Variants in DOCK1 observed in about 807,000 individuals in gnomAD.
DOCK1 encodes dedicator of cytokinesis protein 1.
DOCK1 carries 138 observed loss-of-function variants against 262.7 expected under a neutral mutation model. The observed-to-expected ratio is 0.53, with a 90% CI of 0.46 to 0.61. The LOEUF (loss-of-function observed/expected upper bound fraction) is 0.61. Among genes scored for constraint, DOCK1 ranks in the 20% least tolerant of loss-of-function variants. The probability of loss-of-function intolerance (pLI) is 0.00; values close to 1 mark genes in which losing one functional copy is unlikely to be tolerated. For missense variants in DOCK1, 1,908 were observed against 2,370.7 expected (o/e 0.80, Z 4.05); for synonymous variants, 866 against 867.4 (o/e 1.00, Z 0.03).
intron 1 of DOCK1, among the ~76,000 whole-genome samples, chr10:126,941,613 A>C (rs958460833): frequency 2.0e-5 from 3 of 152,064 alleles, no homozygotes; most frequent in Non-Finnish European, 4.4e-5. Flanking sequence ...AAAATTAGCC[A>C]GGCGTGGTGG....
chr10:127,032,141 A>C lies in DOCK1; in HGVS notation c.1733A>C (p.Glu578Ala). 1 of 1,588,178 alleles carries C rather than the reference A, an allele frequency of 6.3e-7. No homozygotes were observed. Among genetic ancestry groups the C allele is most frequent in the Non-Finnish European group, 8.6e-7 (1 of 1,167,030 alleles). Residue 578 changes from glutamate to alanine, a missense_variant, in exon 18 of 52, where the codon GAA (glutamate) becomes GCA (alanine). Coordinates refer to ENST00000623213, the MANE Select transcript of DOCK1 (RefSeq NM_001290223.2). ...GEHDLIVYKA[E>A]AKKLEDAATY... Reference sequence around the variant, plus strand: ...ACGGCATGACTAAATCCACAGGCCGAAGCAAAGAAGCTGGAAGATGCTGCC... The same window carrying C: ...ACGGCATGACTAAATCCACAGGCCGCAGCAAAGAAGCTGGAAGATGCTGCC...
chr10:126,920,128 A>G (rs959850370), intron 1 of DOCK1, among the ~76,000 whole-genome samples: 1 of 151,862 alleles, frequency 6.6e-6, no homozygotes, highest in Non-Finnish European at 1.5e-5. Context: ...TGCTTTGTCC[A>G]TGCTGGATAA....
intron 27 of DOCK1, among the ~76,000 whole-genome samples, chr10:127,204,134 C>G (rs931630405): frequency 1.3e-5 from 2 of 152,136 alleles, no homozygotes; most frequent in African/African-American, 4.8e-5. Flanking sequence ...CTAGGCCTTC[C>G]TAGATTGAGA....
chr10:126,935,225 C>T (rs1330746155), intron 1 of DOCK1, among the ~76,000 whole-genome samples: 1 of 152,182 alleles, frequency 6.6e-6, no homozygotes, highest in Non-Finnish European at 1.5e-5. Context: ...ATGAAGAACT[C>T]CGTGAAGTTG....
At chr10:127,024,554 C>T (rs765771373) in intron 14 of DOCK1, 131 bp from the exon 15 acceptor site, 16 of 702,420 alleles carry the variant, frequency 2.3e-5, no homozygotes, top group Admixed American at 2.9e-5. Flanking sequence ...TTGCTGGGAA[C>T]GTGTTCATTT....
intron 23 of DOCK1, among the ~76,000 whole-genome samples, chr10:127,063,364 A>G (rs1336005223): frequency 6.6e-6 from 1 of 152,182 alleles, no homozygotes; most frequent in Non-Finnish European, 1.5e-5. Context: ...TGCTGTGACC[A>G]AGGAAACCAG....
intron 23 of DOCK1, among the ~76,000 whole-genome samples, chr10:127,063,999 G>A (rs560879262): frequency 2.4e-4 from 36 of 152,342 alleles, no homozygotes; most frequent in African/African-American, 8.4e-4. Flanking sequence ...TCTCGATGAC[G>A]TTGGAAATTT....
intron 29 of DOCK1, among the ~76,000 whole-genome samples, chr10:127,325,802 C>T (rs1318037034): frequency 2.0e-5 from 3 of 152,128 alleles, no homozygotes; most frequent in Non-Finnish European, 2.9e-5. Flanking sequence ...GAAAACTGTT[C>T]TTAGGCTTAG....
chr10:127,333,893 C>T (rs1011004908), intron 29 of DOCK1, among the ~76,000 whole-genome samples: 4 of 152,238 alleles, frequency 2.6e-5, no homozygotes, highest in Non-Finnish European at 4.4e-5. Flanking sequence ...CTCTTCCTTA[C>T]CTTTAATCTC....
Position 127,296,552 on chromosome 10 carries a change from C to T in DOCK1, c.3044+39123C>T, listed in dbSNP as rs529945433. ...GGTCAGGAACCTTGCAAGATGCCGT[C>T]GAGGCTCTGTCTACACCAGGCAAAG... On this transcript the variant is annotated intron_variant, in intron 29 of 51. Coordinates refer to ENST00000623213, the MANE Select transcript of DOCK1 (RefSeq NM_001290223.2). Among the ~76,000 whole-genome samples, 10 of 152,294 alleles carry T rather than the reference C, an allele frequency of 6.6e-5. 1 individual carries two copies. In the South Asian group the frequency reaches 2.1e-3, roughly 32 times the overall value.
At chr10:127,186,414 C>T (rs2056233663) in intron 27 of DOCK1, among the ~76,000 whole-genome samples, 1 of 150,786 alleles carries the variant, frequency 6.6e-6, no homozygotes, top group South Asian at 2.1e-4. Flanking sequence ...GTAATCCCAG[C>T]TACTTGGGAG....
intron 27 of DOCK1, chr10:127,196,051 C>T (rs2057113782): frequency 6.6e-6 from 1 of 152,158 alleles, no homozygotes; most frequent in Non-Finnish European, 1.5e-5. Context: ...TCGGGCATGT[C>T]TCGCTGCGGA....
chr10:127,408,751 A>C lies in DOCK1; in HGVS notation c.4123-286A>C, dbSNP rs758886001. 9.1e-4 allele frequency among the ~76,000 whole-genome samples: 138 copies of C among 152,168 alleles called. 2 individuals are homozygous for C. Among genetic ancestry groups the C allele is most frequent in the Non-Finnish European group, 1.3e-3 (87 of 68,042 alleles). On this transcript the variant is annotated intron_variant, in intron 40 of 51. Transcript: ENST00000623213. Reference sequence around the variant, plus strand: ...TGAGTGCTCATTTGGTTTTTCATATAGTTTTTAAATCAGTTGTTACTGTCA... The same window carrying C: ...TGAGTGCTCATTTGGTTTTTCATATCGTTTTTAAATCAGTTGTTACTGTCA...
At chr10:127,067,554 A>G (rs1336842955) in intron 23 of DOCK1, among the ~76,000 whole-genome samples, 2 of 152,002 alleles carry the variant, frequency 1.3e-5, no homozygotes, top group East Asian at 1.9e-4. Flanking sequence ...TGTGTTGTGC[A>G]TATGAAGCTG....
intron 27 of DOCK1, among the ~76,000 whole-genome samples, chr10:127,171,176 T>C (rs925461370): frequency 6.6e-6 from 1 of 152,152 alleles, no homozygotes; most frequent in African/African-American, 2.4e-5. Context: ...CCGAAGCCAT[T>C]TGGAAATCTA....
At chr10:127,075,595 G>A (rs987099419) in intron 23 of DOCK1, among the ~76,000 whole-genome samples, 3 of 152,194 alleles carry the variant, frequency 2.0e-5, no homozygotes, top group African/African-American at 7.2e-5. Context: ...GGAGACCTCA[G>A]GAAACTTACA....
At chr10:127,373,904 A>G (rs919516801) in intron 34 of DOCK1, 38 bp downstream of exon 34, 2 of 1,576,934 alleles carry the variant, frequency 1.3e-6, no homozygotes, top group African/African-American at 1.3e-5. Context: ...TGTCTGAGAG[A>G]TACAGAGACA....
chr10:126,964,093 A>T (rs2037482198), intron 1 of DOCK1, among the ~76,000 whole-genome samples: 1 of 152,170 alleles, frequency 6.6e-6, no homozygotes, highest in Non-Finnish European at 1.5e-5. Flanking sequence ...AATGTTGGGT[A>T]CTGAGCCGTT....
intron 21 of DOCK1, 135 bp from the exon 22 acceptor site, chr10:127,052,546 A>G: frequency 7.7e-7 from 1 of 1,302,000 alleles, no homozygotes; most frequent in Non-Finnish European, 1.0e-6. Flanking sequence ...AAAAAGAGAA[A>G]ACGTTTTACA....
Sources: gnomAD v4.1 joint callset for allele counts (sites outside exome capture counted in the v4.1 genomes callset) on GRCh38, gnomAD v4.1.1 for gene constraint, MANE v1.5 for transcripts, NCBI Gene and HGNC (gene_info 2026-07-23, HGNC 2026-07-21) for gene names.